Variants in ZDHHC24 observed in about 807,000 individuals in gnomAD.
ZDHHC24 encodes probable palmitoyltransferase ZDHHC24.
In ZDHHC24, 17 loss-of-function variants were observed where a neutral mutation model predicts 23.2. That is an observed-to-expected ratio of 0.73 (90% confidence interval 0.50 to 1.10). The LOEUF (loss-of-function observed/expected upper bound fraction) is 1.10, where lower values mean the gene tolerates loss of function less well. Among genes scored for constraint, ZDHHC24 ranks in the 50% least tolerant of loss-of-function variants. The pLI, the probability that ZDHHC24 is intolerant of heterozygous loss-of-function variation, is 0.00. For missense variants in ZDHHC24, 366 were observed against 393.0 expected (o/e 0.93, Z 0.58); for synonymous variants, 186 against 194.5 (o/e 0.96, Z 0.36).
chr11:66,520,918 C>G (rs930977414), downstream of ZDHHC24: 2 of 348,638 alleles, frequency 5.7e-6, no homozygotes, highest in Non-Finnish European at 1.1e-5. Flanking sequence ...AAAGTTTTGC[C>G]ATGTTGGACA....
chr11:66,543,908 G>T lies in ZDHHC24; in HGVS notation c.355C>A (p.Arg119Ser). The T allele has an allele frequency of 6.2e-7, 1 of 1,614,034 alleles. No homozygotes were observed. Among genetic ancestry groups the T allele is most frequent in the Middle Eastern group, 1.7e-4 (1 of 6,048 alleles). The change falls in exon 2 of 3, where the codon CGT becomes AGT. Residue 119 changes from arginine (R) to serine (S), a missense_variant. Transcript: ENST00000310442. ...HCSACRVCILRRDHHCRLLGR... is the reference protein window; with the variant it reads ...HCSACRVCILSRDHHCRLLGR... ...AGCAGGCGGCAGTGGTGGTCCCGAC[G>T]CAGGATGCAGACGCGGCAGGCAGAG...
At chr11:66,531,741 A>G (rs1565291081), downstream of ZDHHC24, 2 of 1,613,854 alleles carry the variant, frequency 1.2e-6, no homozygotes, top group Non-Finnish European at 1.7e-6. Context: ...GACATCATCA[A>G]GGTAGGCCCC....
At chr11:66,527,132 T>TGCCAAAGTG in intron 3 of ZDHHC24, 1 of 973,088 alleles carries the variant, frequency 1.0e-6, no homozygotes, top group Non-Finnish European at 1.6e-6. Context: ...ATCCCAACAC[T>TGCCAAAGTG]TTGGCAGAGG....
intron 4 of ZDHHC24, chr11:66,526,681 AC>A (rs1856515373): frequency 1.2e-6 from 2 of 1,614,086 alleles, no homozygotes; most frequent in African/African-American, 2.7e-5. Context: ...CCTGAAGCGT[AC>A]AGCAGTGTTT....
Position 66,526,298 on chromosome 11 carries a change from G to A in ZDHHC24, c.*21+638C>T, listed in dbSNP as rs11602834. ...GGAAATGAAGCATGGGTGGACCTGGGTGTGGAAAGTAAGGCCTACAGAAGT... is the reference window on the plus strand; with the variant it reads ...GGAAATGAAGCATGGGTGGACCTGGATGTGGAAAGTAAGGCCTACAGAAGT... On this transcript the variant is annotated intron_variant, in intron 4 of 4. Coordinates refer to the ZDHHC24 transcript ENST00000526986. The A allele has an allele frequency of 2.7e-5, 32 of 1,186,454 alleles. 1 individual carries two copies. The highest frequency in any genetic ancestry group is 3.6e-5 in the Non-Finnish European group (29 of 813,774). 73.5% of individuals were successfully genotyped at this position (1,186,454 alleles called of 1,614,324 possible). A position where few individuals can be genotyped will look rare whatever the true frequency, so the allele number is the denominator to read the frequency against.
chr11:66,539,770 G>A lies in ZDHHC24; in HGVS notation c.614C>T (p.Ala205Val), dbSNP rs751058851. ...CCCAGCCCCGCACAGCAGCGCACCCGCCACGCACGTGTCCGTCACGAAGGC... is the reference window on the plus strand; with the variant it reads ...CCCAGCCCCGCACAGCAGCGCACCCACCACGCACGTGTCCGTCACGAAGGC... ...ALAFVTDTCV[A>V]GALLCGAGLL... Residue 205 changes from alanine (A) to valine (V), a missense_variant, in exon 3 of 3, where the codon GCG (alanine) becomes GTG (valine). Physicochemically the swap from Ala to Val is moderately conservative, Grantham distance 64. Transcript: ENST00000310442. 85 of 1,612,412 alleles carry A rather than the reference G, an allele frequency of 5.3e-5. No homozygotes were observed. The highest frequency in any genetic ancestry group is 6.7e-5 in the Non-Finnish European group (79 of 1,179,448).
downstream of ZDHHC24, chr11:66,530,757 C>T: frequency 7.7e-7 from 1 of 1,302,084 alleles, no homozygotes; most frequent in Non-Finnish European, 1.1e-6. Context: ...CCCTTCTGGT[C>T]TTCTGTGTCT....
chr11:66,530,962 CCT>C, downstream of ZDHHC24: 1 of 1,614,218 alleles, frequency 6.2e-7, no homozygotes, highest in Non-Finnish European at 8.5e-7. Flanking sequence ...CCCGTCCTGT[CCT>C]GGGGCTGCTG....
chr11:66,543,563 C>T, intron 2 of ZDHHC24, 141 bp downstream of exon 2: 2 of 1,114,686 alleles, frequency 1.8e-6, no homozygotes, highest in Admixed American at 2.9e-5. Context: ...GGGTGAATAC[C>T]AAGCTGCCCT....
At chr11:66,543,659 T>C (rs1590796711) in intron 2 of ZDHHC24, 45 bp downstream of exon 2, 1 of 1,515,814 alleles carries the variant, frequency 6.6e-7, no homozygotes, top group Non-Finnish European at 8.9e-7. Flanking sequence ...CCCAGCCCAA[T>C]ACCAGGGCCC....
rs181775785 is a variant in ZDHHC24 at position 66,536,056 on chromosome 11, T to C, written c.*3473A>G. The C allele has an allele frequency of 6.6e-6, 1 of 152,354 alleles. No individual in the cohort carries two copies. The highest frequency in any genetic ancestry group is 1.9e-4 in the East Asian group (1 of 5,194). 9.4% of individuals were successfully genotyped at this position (152,354 alleles called of 1,614,324 possible). On this transcript the variant is annotated 3_prime_UTR_variant, in exon 3 of 3. Transcript: ENST00000310442. Reference sequence around the variant, plus strand: ...ACTCTGCATGATTTCATTCATATATTTGAAAACATGCAAAGCCAACACAAA... The same window carrying C: ...ACTCTGCATGATTTCATTCATATATCTGAAAACATGCAAAGCCAACACAAA...
chr11:66,523,387 A>AGAG, intron 4 of ZDHHC24: 4 of 1,611,466 alleles, frequency 2.5e-6, no homozygotes. Context: ...AGGTTTAGAC[A>AGAG]GAGGAGGGTC....
intron 4 of ZDHHC24, chr11:66,526,028 C>T (rs1856473055): frequency 5.6e-6 from 6 of 1,076,060 alleles, no homozygotes; most frequent in Non-Finnish European, 8.6e-6. Context: ...TCTATCACTT[C>T]TCACCTATTA....
chr11:66,529,137 G>A (rs996756923), intron 3 of ZDHHC24: 5 of 981,110 alleles, frequency 5.1e-6, no homozygotes, highest in Middle Eastern at 5.2e-4. Context: ...ACGGAAGAGC[G>A]AAGCCAGCCT....
At chr11:66,527,013 GT>G in intron 3 of ZDHHC24, 1 of 1,536,784 alleles carries the variant, frequency 6.5e-7, no homozygotes, top group Non-Finnish European at 8.7e-7. Flanking sequence ...GGTGCTGTGG[GT>G]GACAGCAAGA....
At position 66,543,829 on chromosome 11, in the gene ZDHHC24, T is replaced by C; in HGVS notation, c.434A>G (p.His145Arg). The C allele has an allele frequency of 3.1e-6, 5 of 1,613,650 alleles. No individual in the cohort carries two copies. Among genetic ancestry groups the C allele is most frequent in the East Asian group, 2.2e-5 (1 of 44,862 alleles). Residue 145 changes from histidine to arginine, a missense_variant, in exon 2 of 3, where the codon CAT (histidine) becomes CGT (arginine). Physicochemically the swap from His to Arg is conservative, Grantham distance 29 (BLOSUM62 0). Transcript: ENST00000310442. ...NYRPFLCLLLHAAGVLLHVSV... is the reference protein window; with the variant it reads ...NYRPFLCLLLRAAGVLLHVSV... The stretch of plus-strand genomic sequence containing the variant: ...GACGTGGAGCAGGACGCCGGCGGCA[T>C]GAAGCAGCAGGCACAGGAAGGGCCG...
chr11:66,545,064 G>A lies in ZDHHC24; in HGVS notation c.281+659C>T, dbSNP rs930431059. On this transcript the variant is annotated intron_variant, in intron 1 of 2. Coordinates refer to ENST00000310442, the MANE Select transcript of ZDHHC24 (RefSeq NM_207340.3). The surrounding 1 kb of genome is among the most constrained non-coding windows in gnomAD (Gnocchi z 4.5). ...TGTATTTATTTATTTGAGACGGAGG[G>A]AGTCTTGCTCTGTCACCCAGGCTGG... Among the ~76,000 whole-genome samples the A allele has an allele frequency of 6.6e-6, 1 of 152,106 alleles. No individual in the cohort carries two copies. The highest frequency in any genetic ancestry group is 1.5e-5 in the Non-Finnish European group (1 of 68,022).
chr11:66,526,123 G>A (rs2134809268), intron 4 of ZDHHC24: 1 of 1,614,154 alleles, frequency 6.2e-7, no homozygotes, highest in South Asian at 1.1e-5. Context: ...CTCCACATAG[G>A]ATGCAGTGAC....
Position 66,539,366 on chromosome 11 carries a change from GC to G in ZDHHC24, c.*162del. 1 of 1,355,644 alleles carries G rather than the reference GC, an allele frequency of 7.4e-7. No homozygotes were observed. The highest frequency in any genetic ancestry group is 1.9e-5 in the South Asian group (1 of 51,388). 84.0% of individuals were successfully genotyped at this position (1,355,644 alleles called of 1,614,324 possible). A position where few individuals can be genotyped will look rare whatever the true frequency, so the allele number is the denominator to read the frequency against. On this transcript the variant is annotated 3_prime_UTR_variant, in exon 3 of 3. Transcript: ENST00000310442. The stretch of plus-strand genomic sequence containing the variant: ...CTCCTCTGCCTAAGTCACGGCCCAA[GC>G]CCTGGACACGTAGGAGTGTAGGCGG...
Sources: gnomAD v4.1 joint callset for allele counts (sites outside exome capture counted in the v4.1 genomes callset) on GRCh38, gnomAD v4.1.1 for gene constraint, Gnocchi (gnomAD v3.1) non-coding constraint, MANE v1.5 for transcripts, NCBI Gene and HGNC (gene_info 2026-07-23, HGNC 2026-07-21) for gene names.